The following GULP1 variants were observed in gnomAD, a reference collection of about 807,000 sequenced individuals.
The protein encoded by GULP1 is GULP PTB domain containing engulfment adaptor 1.
Under a neutral mutation model 40.9 loss-of-function variants are expected in GULP1, and 19 were observed. The observed-to-expected ratio is 0.46, with a 90% CI of 0.32 to 0.68. The LOEUF (loss-of-function observed/expected upper bound fraction) is 0.68. Ranked by LOEUF, GULP1 falls within the 30% of genes least tolerant of loss-of-function variation. The probability of loss-of-function intolerance (pLI) is 0.03; values close to 1 mark genes in which losing one functional copy is unlikely to be tolerated. For synonymous variants in GULP1, 119 were observed against 117.6 expected, an observed-to-expected ratio of 1.01 and a Z score of -0.08; for missense variants, 312 against 362.2, an observed-to-expected ratio of 0.86 and a Z score of 1.12.
At chr2:188,587,982 T>A in intron 11 of GULP1, 33 bp downstream of exon 11, 5 of 1,022,878 alleles carry the variant, frequency 4.9e-6, no homozygotes, top group Non-Finnish European at 7.8e-6. Flanking sequence ...CCATAAATGA[T>A]TTATTTCATT....
chr2:188,517,048 C>T (rs1426728757), intron 4 of GULP1, among the ~76,000 whole-genome samples: 1 of 152,114 alleles, frequency 6.6e-6, no homozygotes, highest in Non-Finnish European at 1.5e-5. Context: ...TATTGTTTGG[C>T]TCACCCACTA....
chr2:188,519,595 C>G (rs1219892689), intron 4 of GULP1, among the ~76,000 whole-genome samples: 1 of 152,170 alleles, frequency 6.6e-6, no homozygotes, highest in African/African-American at 2.4e-5. Flanking sequence ...GGGATGTATT[C>G]AGAACTAAAT....
At chr2:188,367,000 G>A (rs1177601670) in intron 1 of GULP1, among the ~76,000 whole-genome samples, 1 of 152,274 alleles carries the variant, frequency 6.6e-6, no homozygotes, top group East Asian at 1.9e-4. Context: ...TTAGACAATA[G>A]ATAGAAGTGC....
At chr2:188,524,516 A>G (rs188911509) in intron 5 of GULP1, among the ~76,000 whole-genome samples, 129 of 151,990 alleles carry the variant, frequency 8.5e-4, no homozygotes, top group East Asian at 6.6e-3. Flanking sequence ...AACATTTTGT[A>G]TATCAGGAAA....
intron 2 of GULP1, among the ~76,000 whole-genome samples, chr2:188,460,404 G>A (rs1221233501): frequency 2.8e-5 from 4 of 143,078 alleles, no homozygotes; most frequent in South Asian, 4.7e-4. Context: ...TTTATTTGTG[G>A]CTATTGTAAA....
intron 1 of GULP1, among the ~76,000 whole-genome samples, chr2:188,360,744 G>A (rs1055160150): frequency 6.6e-6 from 1 of 151,992 alleles, no homozygotes; most frequent in Non-Finnish European, 1.5e-5. Context: ...AGATAGCAAG[G>A]CATGACATGC....
intron 1 of GULP1, among the ~76,000 whole-genome samples, chr2:188,331,982 G>T (rs921533956): frequency 3.9e-5 from 6 of 152,068 alleles, no homozygotes; most frequent in Non-Finnish European, 7.4e-5. Context: ...AGATGATTTT[G>T]TAGAAGGTAG....
chr2:188,325,791 C>T (rs1358882907), intron 1 of GULP1, among the ~76,000 whole-genome samples: 1 of 152,054 alleles, frequency 6.6e-6, no homozygotes, highest in African/African-American at 2.4e-5. Flanking sequence ...CACATTGACA[C>T]CACTTTTATG....
chr2:188,370,506 T>G (rs912684118), intron 1 of GULP1, among the ~76,000 whole-genome samples: 8 of 152,222 alleles, frequency 5.3e-5, no homozygotes, highest in African/African-American at 1.9e-4. Flanking sequence ...TAGTTCACAA[T>G]TTTCCTTACA....
intron 7 of GULP1, among the ~76,000 whole-genome samples, chr2:188,550,179 A>G (rs1481899390): frequency 6.6e-6 from 1 of 151,728 alleles, no homozygotes; most frequent in Non-Finnish European, 1.5e-5. Context: ...TACTTTAAAT[A>G]TCTGAAAAAT....
intron 1 of GULP1, among the ~76,000 whole-genome samples, chr2:188,350,078 T>G (rs935954384): frequency 2.6e-5 from 4 of 152,170 alleles, no homozygotes; most frequent in African/African-American, 4.8e-5. Context: ...AGGCCTAGAT[T>G]TATGCCAGGA....
chr2:188,451,245 C>T (rs1433852482), intron 2 of GULP1, among the ~76,000 whole-genome samples: 1 of 152,174 alleles, frequency 6.6e-6, no homozygotes, highest in Non-Finnish European at 1.5e-5. Context: ...TGATCAAAGA[C>T]ATTCACAAAT....
intron 4 of GULP1, among the ~76,000 whole-genome samples, chr2:188,506,680 C>G (rs2063949557): frequency 6.6e-6 from 1 of 151,948 alleles, no homozygotes; most frequent in Non-Finnish European, 1.5e-5. Context: ...ATCTTAATCT[C>G]CATAATTCCA....
chr2:188,310,469 T>C (rs1015322105), intron 1 of GULP1, among the ~76,000 whole-genome samples: 1 of 152,202 alleles, frequency 6.6e-6, no homozygotes, highest in Non-Finnish European at 1.5e-5. Flanking sequence ...GAATCATGTG[T>C]AAATTGCAAG....
chr2:188,345,609 G>C (rs938958481), intron 1 of GULP1, among the ~76,000 whole-genome samples: 21 of 152,326 alleles, frequency 1.4e-4, no homozygotes, highest in African/African-American at 4.6e-4. Context: ...TATAAAGTAA[G>C]TTGCTGTGGT....
At chr2:188,564,140 C>T (rs1423024086) in intron 7 of GULP1, among the ~76,000 whole-genome samples, 1 of 151,816 alleles carries the variant, frequency 6.6e-6, no homozygotes, top group African/African-American at 2.4e-5. Context: ...TTTAAAAGTT[C>T]TACAGGTAAC....
intron 7 of GULP1, among the ~76,000 whole-genome samples, chr2:188,565,619 A>G (rs1254080710): frequency 3.3e-5 from 5 of 152,078 alleles, no homozygotes; most frequent in Non-Finnish European, 7.4e-5. Flanking sequence ...ACTTTGGAAA[A>G]CAGTTGCACA....
At chr2:188,399,877 TC>T (rs1184574647) in intron 2 of GULP1, among the ~76,000 whole-genome samples, 2 of 152,184 alleles carry the variant, frequency 1.3e-5, no homozygotes, top group East Asian at 3.9e-4. Context: ...TAATTGCCTA[TC>T]ATATGTCAAT....
chr2:188,523,632 CTT>C (rs1685410712), intron 5 of GULP1, among the ~76,000 whole-genome samples: 1 of 151,910 alleles, frequency 6.6e-6, no homozygotes, highest in African/African-American at 2.4e-5. Context: ...CCTTCTCTAA[CTT>C]TATTTGGTTT....
Sources: gnomAD v4.1 joint callset for allele counts (sites outside exome capture counted in the v4.1 genomes callset) on GRCh38, gnomAD v4.1.1 for gene constraint, MANE v1.5 for transcripts, NCBI Gene and HGNC (gene_info 2026-07-23, HGNC 2026-07-21) for gene names.